The following SPATS2 variants were observed in gnomAD, a reference collection of about 807,000 sequenced individuals.
The protein encoded by SPATS2 is spermatogenesis-associated serine-rich protein 2.
Under a neutral mutation model 63.7 loss-of-function variants are expected in SPATS2, and 38 were observed. The ratio of observed to expected loss-of-function variants is 0.60; its 90% CI spans 0.46 to 0.78. The LOEUF is 0.78. SPATS2 is among the 30% of genes least tolerant of loss of function. The pLI is 0.00. For missense variants in SPATS2, 588 were observed against 666.2 expected, an observed-to-expected ratio of 0.88 and a Z score of 1.29; for synonymous variants, 207 against 232.9, an observed-to-expected ratio of 0.89 and a Z score of 1.01.
At chr12:49,440,888 CT>C (rs1945406513) in intron 2 of SPATS2, among the ~76,000 whole-genome samples, 1 of 152,128 alleles carries the variant, frequency 6.6e-6, no homozygotes, top group Middle Eastern at 3.2e-3. Flanking sequence ...AATGATGTGT[CT>C]TTCTCAGTTA....
At chr12:49,511,171 A>G (rs1372353473) in intron 9 of SPATS2, among the ~76,000 whole-genome samples, 3 of 152,028 alleles carry the variant, frequency 2.0e-5, no homozygotes, top group Admixed American at 6.6e-5. Flanking sequence ...ATTGTACTCC[A>G]GAGCGAGACT....
chr12:49,411,615 A>C (rs1198779393), intron 2 of SPATS2, among the ~76,000 whole-genome samples: 1 of 152,190 alleles, frequency 6.6e-6, no homozygotes, highest in East Asian at 1.9e-4. Flanking sequence ...CAAACTAATT[A>C]GGATTATATT....
intron 12 of SPATS2, 51 bp downstream of exon 12, chr12:49,522,904 G>T (rs764793921): frequency 2.0e-6 from 3 of 1,480,228 alleles, no homozygotes; most frequent in Non-Finnish European, 1.9e-6. Context: ...ATTAATTAGA[G>T]ACTGACGTGC....
At chr12:49,436,837 C>T (rs372634395) in intron 2 of SPATS2, among the ~76,000 whole-genome samples, 11,712 of 137,202 alleles carry the variant, frequency 0.085, 572 homozygotes, top group African/African-American at 0.13. Flanking sequence ...ACCTCCTGGA[C>T]GGGGCGGCTG....
At chr12:49,452,383 C>T (rs1459722782) in intron 2 of SPATS2, among the ~76,000 whole-genome samples, 1 of 152,196 alleles carries the variant, frequency 6.6e-6, no homozygotes. Flanking sequence ...GAGCTCAAGC[C>T]ATCCTCCTAC....
In SPATS2 at chr12:49,526,039, T is replaced by G. The variant is rs1484862786; in HGVS notation, c.1422T>G (p.Gly474=). The G allele has an allele frequency of 6.2e-7, 1 of 1,614,088 alleles. No individual in the cohort carries two copies. The highest frequency in any genetic ancestry group is 1.3e-5 in the African/African-American group (1 of 75,016). The change falls in exon 14 of 14, where the codon GGT becomes GGG. Residue 474 remains glycine (G), a synonymous_variant. Transcript: ENST00000552918. ...ACCAAGGGCGGCATGACAGTATGGG[T>G]CGTTACAGAAACAGCTCGTGGTATT... ...PMNQGRHDSM[G]RYRNSSWYSS...
At chr12:49,383,780 A>G (rs1215358861) in intron 2 of SPATS2, among the ~76,000 whole-genome samples, 2 of 152,180 alleles carry the variant, frequency 1.3e-5, no homozygotes, top group Non-Finnish European at 2.9e-5. Flanking sequence ...ATTAATGGAT[A>G]TATCTAGGTG....
At chr12:49,407,097 C>CCTCTCTCTACATA (rs1252485410) in intron 2 of SPATS2, among the ~76,000 whole-genome samples, 5 of 152,296 alleles carry the variant, frequency 3.3e-5, no homozygotes, top group Non-Finnish European at 5.9e-5. Flanking sequence ...ATCCTTGATG[C>CCTCTCTCTACATA]CTCTCTCTAC....
intron 3 of SPATS2, chr12:49,462,205 C>A: frequency 1.5e-6 from 1 of 655,046 alleles, no homozygotes; most frequent in East Asian, 2.7e-5. Context: ...CATTGTGAAG[C>A]AGGATATTTC....
intron 2 of SPATS2, among the ~76,000 whole-genome samples, chr12:49,412,751 TAA>T (rs5798103): frequency 1.6e-4 from 24 of 146,708 alleles, no homozygotes; most frequent in Non-Finnish European, 2.4e-4. Flanking sequence ...ACGCTCATTC[TAA>T]AAAAAAAAAA....
chr12:49,367,447 G>C (rs942369792), upstream of SPATS2: 1 of 400,676 alleles, frequency 2.5e-6, no homozygotes, highest in Non-Finnish European at 4.4e-6. Flanking sequence ...GAGAGAGCTG[G>C]GGGAGGAGCG....
In SPATS2 at chr12:49,507,084, C is replaced by T. The variant is rs147431572; in HGVS notation, c.839+6879C>T. Among the ~76,000 whole-genome samples the T allele has an allele frequency of 7.4e-4, 112 of 152,304 alleles. 1 individual carries two copies. In the East Asian group the frequency reaches 0.016, roughly 21 times the overall value. ...TCAATAAAGTAAAACTATAAGAATA[C>T]TCCATCTGAATATTCAATGTTCTTT... is the stretch of plus-strand genomic sequence containing the variant. On this transcript the variant is annotated intron_variant, in intron 9 of 13. Coordinates refer to ENST00000552918, the MANE Select transcript of SPATS2 (RefSeq NM_023071.4).
chr12:49,462,499 C>T, intron 3 of SPATS2: 1 of 698,312 alleles, frequency 1.4e-6, no homozygotes, highest in Admixed American at 2.0e-5. Context: ...GCCCTTTCCC[C>T]CCGTGTGTGG....
chr12:49,451,317 C>G (rs763469979), intron 2 of SPATS2, among the ~76,000 whole-genome samples: 1 of 151,588 alleles, frequency 6.6e-6, no homozygotes, highest in Admixed American at 6.6e-5. Context: ...CAGTTGTTTT[C>G]TTAGTACTTG....
intron 2 of SPATS2, among the ~76,000 whole-genome samples, chr12:49,388,440 C>T (rs1944359044): frequency 6.6e-6 from 1 of 151,468 alleles, no homozygotes. Context: ...GTGGTGCAAT[C>T]ATGGCTTACT....
intron 3 of SPATS2, among the ~76,000 whole-genome samples, chr12:49,484,143 A>T (rs1399407953): frequency 2.6e-5 from 4 of 152,252 alleles, no homozygotes; most frequent in African/African-American, 9.6e-5. Context: ...TCACGGGTTT[A>T]TAGTCTACAA....
In SPATS2 at chr12:49,412,258, C is replaced by T. The variant is rs977413202; in HGVS notation, c.-244+40968C>T. ...CGCCTAGGCTGGAATGCAGTGGCGCCGTCTTGGCTCACTGCAACCTCTGCC... is the reference window on the plus strand; with the variant it reads ...CGCCTAGGCTGGAATGCAGTGGCGCTGTCTTGGCTCACTGCAACCTCTGCC... On this transcript the variant is annotated intron_variant, in intron 2 of 13. Coordinates refer to ENST00000552918, the MANE Select transcript of SPATS2 (RefSeq NM_023071.4). Among the ~76,000 whole-genome samples, 3 of 151,920 alleles carry T rather than the reference C, an allele frequency of 2.0e-5. No individual in the cohort carries two copies. The East Asian group carries it at 5.8e-4, about 29-fold the overall frequency.
chr12:49,426,186 T>C (rs934676484), intron 2 of SPATS2, among the ~76,000 whole-genome samples: 7 of 151,632 alleles, frequency 4.6e-5, no homozygotes, highest in Non-Finnish European at 1.0e-4. Flanking sequence ...CTTTAGTTTT[T>C]TTCTTTGTTT....
chr12:49,438,393 C>G (rs1945355780), intron 2 of SPATS2, among the ~76,000 whole-genome samples: 1 of 152,138 alleles, frequency 6.6e-6, no homozygotes, highest in African/African-American at 2.4e-5. Flanking sequence ...AATAAAGCTG[C>G]TGTTAATATT....
Sources: gnomAD v4.1 joint callset for allele counts (sites outside exome capture counted in the v4.1 genomes callset) on GRCh38, gnomAD v4.1.1 for gene constraint, MANE v1.5 for transcripts, NCBI Gene and HGNC (gene_info 2026-07-23, HGNC 2026-07-21) for gene names.